Variants in CCDC152 observed in about 807,000 individuals in gnomAD.
The protein encoded by CCDC152 is coiled-coil domain-containing protein 152.
Under a neutral mutation model 38.1 loss-of-function variants are expected in CCDC152, and 37 were observed. The ratio of observed to expected loss-of-function variants is 0.97; its 90% CI spans 0.75 to 1.28. The LOEUF is 1.28. CCDC152 is among the 50% of genes most tolerant of loss of function. The probability of loss-of-function intolerance (pLI) is 0.00; values close to 1 mark genes in which losing one functional copy is unlikely to be tolerated. For missense variants in CCDC152, 259 were observed against 292.1 expected (o/e 0.89, Z 0.83); for synonymous variants, 83 against 87.1 (o/e 0.95, Z 0.26).
intron 6 of CCDC152, among the ~76,000 whole-genome samples, chr5:42,789,422 T>C (rs1296240783): frequency 6.6e-6 from 1 of 152,100 alleles, no homozygotes; most frequent in Non-Finnish European, 1.5e-5. Context: ...GGTCTCGAAT[T>C]CCCAACCTCA....
chr5:42,763,065 A>G (rs904760304), intron 3 of CCDC152, among the ~76,000 whole-genome samples: 2 of 152,216 alleles, frequency 1.3e-5, no homozygotes, highest in Non-Finnish European at 2.9e-5. Flanking sequence ...AAAAGGAACC[A>G]ACGTTTTTTT....
At chr5:42,767,745 C>G (rs1233453650) in intron 3 of CCDC152, among the ~76,000 whole-genome samples, 2 of 152,168 alleles carry the variant, frequency 1.3e-5, no homozygotes, top group Admixed American at 1.3e-4. Flanking sequence ...CATTCAGTTG[C>G]AGGGTTCTGT....
intron 2 of CCDC152, among the ~76,000 whole-genome samples, chr5:42,759,634 C>G (rs574996057): frequency 6.6e-6 from 1 of 152,212 alleles, no homozygotes; most frequent in Non-Finnish European, 1.5e-5. Context: ...TCCATTGTCT[C>G]TGTCAGTCCT....
intron 2 of CCDC152, among the ~76,000 whole-genome samples, chr5:42,760,076 G>C (rs1246712883): frequency 6.6e-6 from 1 of 151,858 alleles, no homozygotes; most frequent in Non-Finnish European, 1.5e-5. Flanking sequence ...ATGCCGAGGC[G>C]GGCGGATCAC....
intron 6 of CCDC152, among the ~76,000 whole-genome samples, chr5:42,790,801 T>C (rs1345489881): frequency 6.6e-6 from 1 of 152,164 alleles, no homozygotes; most frequent in Non-Finnish European, 1.5e-5. Flanking sequence ...CGTAGCCCTA[T>C]CAAGCTCAGT....
At chr5:42,776,701 G>A (rs12514437) in intron 4 of CCDC152, among the ~76,000 whole-genome samples, 113,023 of 152,026 alleles carry the variant, frequency 0.74, 42,515 homozygotes, top group East Asian at 1. Context: ...AAGACCAGAA[G>A]TCATACAATG....
chr5:42,787,523 A>T (rs187371445), intron 6 of CCDC152, among the ~76,000 whole-genome samples: 222 of 152,000 alleles, frequency 1.5e-3, no homozygotes, highest in African/African-American at 4.9e-3. Context: ...ACAGCTGTCT[A>T]TCTATTTTCT....
chr5:42,762,352 GT>G, intron 2 of CCDC152, 90 bp from the exon 3 acceptor site: 1 of 666,306 alleles, frequency 1.5e-6, no homozygotes, highest in Non-Finnish European at 2.6e-6. Flanking sequence ...ATATTAAGTG[GT>G]TTGTATTTTC....
intron 4 of CCDC152, among the ~76,000 whole-genome samples, chr5:42,773,101 A>C (rs1423913845): frequency 6.6e-6 from 1 of 152,204 alleles, no homozygotes; most frequent in Non-Finnish European, 1.5e-5. Context: ...TCTAAAAATC[A>C]TGCCAGCAGG....
intron 7 of CCDC152, among the ~76,000 whole-genome samples, chr5:42,797,760 T>A (rs1212682535): frequency 6.6e-6 from 1 of 152,086 alleles, no homozygotes; most frequent in Non-Finnish European, 1.5e-5. Context: ...AGAATATATA[T>A]CCTGGGGGCA....
intron 3 of CCDC152, among the ~76,000 whole-genome samples, chr5:42,764,795 T>A (rs1278811061): frequency 3.3e-5 from 5 of 152,168 alleles, no homozygotes. Flanking sequence ...AAGCAATATA[T>A]GACAGACCCA....
intron 3 of CCDC152, among the ~76,000 whole-genome samples, chr5:42,767,607 G>A (rs912525563): frequency 3.9e-5 from 6 of 152,178 alleles, no homozygotes; most frequent in African/African-American, 1.2e-4. Flanking sequence ...TTTGCAAAGA[G>A]AATTAAAAGC....
rs746638477 is a variant in CCDC152 at position 42,799,406 on chromosome 5, A to C, written c.590A>C (p.Lys197Thr). 48 of 1,545,342 alleles carry C rather than the reference A, an allele frequency of 3.1e-5. No homozygotes were observed. Among genetic ancestry groups the C allele is most frequent in the Non-Finnish European group, 3.8e-5 (44 of 1,143,894 alleles). Residue 197 changes from lysine (K) to threonine (T), a missense_variant, in exon 8 of 9, where the codon AAA becomes ACA. Transcript: ENST00000361970. The part of the protein sequence containing the change: ...FDAKLARVQT[K>T]SKSYQDSTVL... ...GCCAAACTAGCAAGAGTTCAGACTA[A>C]ATCAAAATCATATCAGGATTCTACT...
chr5:42,787,218 A>G (rs182745717), intron 6 of CCDC152, among the ~76,000 whole-genome samples: 4 of 152,086 alleles, frequency 2.6e-5, no homozygotes, highest in Admixed American at 2.6e-4. Context: ...TTCAGCCTCC[A>G]TGATCCAGTA....
intron 4 of CCDC152, among the ~76,000 whole-genome samples, chr5:42,773,223 A>G (rs933997561): frequency 1.2e-4 from 18 of 152,206 alleles, no homozygotes; most frequent in African/African-American, 4.1e-4. Context: ...TTCAGTTACA[A>G]TGAGAGAAAT....
At chr5:42,779,353 A>G in intron 4 of CCDC152, 105 bp from the exon 5 acceptor site, 2 of 686,048 alleles carry the variant, frequency 2.9e-6, no homozygotes, top group Non-Finnish European at 5.2e-6. Flanking sequence ...TGCTGGATGC[A>G]TGTTTGTTGA....
intron 7 of CCDC152, among the ~76,000 whole-genome samples, chr5:42,798,090 G>A (rs1760101128): frequency 6.6e-6 from 1 of 152,184 alleles, no homozygotes; most frequent in Non-Finnish European, 1.5e-5. Flanking sequence ...GGCAGACTTA[G>A]CAGTGAGCCG....
intron 6 of CCDC152, among the ~76,000 whole-genome samples, chr5:42,790,346 T>G (rs1479649977): frequency 6.6e-6 from 1 of 152,094 alleles, no homozygotes; most frequent in Non-Finnish European, 1.5e-5. Flanking sequence ...AAATGCAAAT[T>G]AAAACCTCAC....
At position 42,764,232 on chromosome 5, in the gene CCDC152, A is replaced by G. The variant is rs188432930; in HGVS notation, c.193+1684A>G. ...CAAGACCAGACTGGCCAAGATGGTGAAACCCCGTCTCTACTAAAAATACAA... is the reference window on the plus strand; with the variant it reads ...CAAGACCAGACTGGCCAAGATGGTGGAACCCCGTCTCTACTAAAAATACAA... On this transcript the variant is annotated intron_variant, in intron 3 of 8. Coordinates refer to ENST00000361970, the MANE Select transcript of CCDC152 (RefSeq NM_001134848.2). 2.8e-4 allele frequency among the ~76,000 whole-genome samples: 43 copies of G among 152,306 alleles called. No individual in the cohort carries two copies. In the East Asian group the frequency reaches 8.1e-3, roughly 29 times the overall value.
Sources: allele counts gnomAD v4.1 joint callset (sites outside exome capture counted in the v4.1 genomes callset), GRCh38; gene constraint gnomAD v4.1.1; transcripts MANE v1.5; gene names NCBI Gene and HGNC (gene_info 2026-07-23, HGNC 2026-07-21).